Variants in FAM234A observed in about 807,000 individuals in gnomAD.
FAM234A encodes the protein protein FAM234A.
A neutral mutation model predicts 49.1 loss-of-function variants in FAM234A; 42 were observed. That is an observed-to-expected ratio of 0.86 (90% CI 0.67 to 1.11). FAM234A has a LOEUF of 1.11. FAM234A is among the 50% of genes least tolerant of loss of function. FAM234A has a pLI of 0.00. For synonymous variants in FAM234A, 369 were observed against 316.2 expected (o/e 1.17, Z -1.77); for missense variants, 815 against 745.2 (o/e 1.09, Z -1.09).
Position 259,526 on chromosome 16 carries a change from G to C in FAM234A, c.312G>C (p.Arg104Ser). 2.5e-6 allele frequency: 4 copies of C among 1,612,816 alleles called. No homozygotes were observed. The highest frequency in any genetic ancestry group is 3.4e-6 in the Non-Finnish European group (4 of 1,178,794). ...FLAVDDINGDRIQDVLFLYKN... is the reference protein window; with the variant it reads ...FLAVDDINGDSIQDVLFLYKN... ...CTGTGGATGATATAAACGGGGACAG[G>C]ATCCAAGATGTTCTTTTTCTTTATA... Residue 104 changes from arginine (R) to serine (S), a missense_variant, in exon 4 of 13, where the codon AGG (arginine) becomes AGC (serine). Transcript: ENST00000399932.
intron 5 of FAM234A, 190 bp downstream of exon 5, chr16:260,350 G>T: frequency 1.6e-6 from 1 of 619,054 alleles, no homozygotes; most frequent in South Asian, 1.9e-5. Context: ...CGCCTCGGCT[G>T]CCTTCAGCTG....
intron 3 of FAM234A, among the ~76,000 whole-genome samples, chr16:255,322 T>C (rs1188642151): frequency 6.6e-6 from 1 of 152,190 alleles, no homozygotes; most frequent in African/African-American, 2.4e-5. Flanking sequence ...TTTGTAGAGT[T>C]ATGTAGCTGT....
At chr16:257,789 C>T (rs935900571) in intron 3 of FAM234A, among the ~76,000 whole-genome samples, 3 of 152,094 alleles carry the variant, frequency 2.0e-5, no homozygotes, top group Non-Finnish European at 2.9e-5. Context: ...AGTTCAAGGC[C>T]AGCCTGGGCA....
intron 10 of FAM234A, 55 bp downstream of exon 10, chr16:263,830 G>A: frequency 6.0e-6 from 9 of 1,499,576 alleles, no homozygotes; most frequent in East Asian, 2.3e-5. Flanking sequence ...AGGATAGACT[G>A]GTCTGAAAGC....
chr16:241,665 C>A (rs2050618132), intron 1 of FAM234A, among the ~76,000 whole-genome samples: 1 of 151,956 alleles, frequency 6.6e-6, no homozygotes, highest in South Asian at 2.1e-4. Flanking sequence ...GGCCTGTAAT[C>A]CCAGCACTTT....
chr16:264,509 G>T, intron 11 of FAM234A, 105 bp from the exon 12 acceptor site: 1 of 871,298 alleles, frequency 1.1e-6, no homozygotes, highest in Non-Finnish European at 1.8e-6. Flanking sequence ...GACCCAGATA[G>T]GGCCCCTAGC....
Position 252,624 on chromosome 16 carries a change from G to A in FAM234A, c.-33-1757G>A, listed in dbSNP as rs903016230. ...ATCATTTTACAGTCCCACCAGCAACGTACGATGTTCTGATTTCTCCACATC... is the reference window on the plus strand; with the variant it reads ...ATCATTTTACAGTCCCACCAGCAACATACGATGTTCTGATTTCTCCACATC... On this transcript the variant is annotated intron_variant, in intron 2 of 12. Transcript: ENST00000399932. 2.0e-5 allele frequency among the ~76,000 whole-genome samples: 3 copies of A among 152,260 alleles called. No homozygotes were observed. In the South Asian group the frequency reaches 6.2e-4, roughly 32 times the overall value.
chr16:259,196 G>A (rs1393736130), intron 3 of FAM234A, among the ~76,000 whole-genome samples: 1 of 152,156 alleles, frequency 6.6e-6, no homozygotes, highest in Non-Finnish European at 1.5e-5. Context: ...GATGCCCCCT[G>A]GTCTAGGGAG....
Position 263,693 on chromosome 16 carries a change from G to A in FAM234A, c.1113-7G>A. The A allele has an allele frequency of 6.2e-7, 1 of 1,612,046 alleles. No individual in the cohort carries two copies. Among genetic ancestry groups the A allele is most frequent in the South Asian group, 1.1e-5 (1 of 91,038 alleles). On this transcript the variant is annotated splice_region_variant and splice_polypyrimidine_tract_variant and intron_variant, in intron 9 of 12. Transcript: ENST00000399932. ...CCCTCGTGAGCGCTTCCTCCATATT[G>A]TTCCAGAAAACCCATCTTCGGCCGC...
downstream of FAM234A, chr16:269,789 C>T (rs1448693049): frequency 2.2e-5 from 12 of 542,360 alleles, no homozygotes; most frequent in African/African-American, 1.1e-4. Context: ...TGGGCCATGT[C>T]GCAGCAAAAA....
Position 263,393 on chromosome 16 carries a change from A to G in FAM234A, c.1103A>G (p.His368Arg), listed in dbSNP as rs1369947974. Residue 368 changes from histidine (H) to arginine (R), a missense_variant, in exon 9 of 13, where the codon CAT becomes CGT. Physicochemically the swap from His to Arg is conservative, Grantham distance 29. Coordinates refer to ENST00000399932, the MANE Select transcript of FAM234A (RefSeq NM_032039.4). ...CCTCGCTGGACACCCAAGGCAGCCC[A>G]TGTCCTGAGGTACAGGGTTTCCCCA... is the stretch of plus-strand genomic sequence containing the variant. The part of the protein sequence containing the change: ...LTPRWTPKAA[H>R]VLRKPIFGRY... 10 of 1,610,030 alleles carry G rather than the reference A, an allele frequency of 6.2e-6. No homozygotes were observed. Among genetic ancestry groups the G allele is most frequent in the African/African-American group, 1.3e-5 (1 of 74,938 alleles).
chr16:266,849 G>A (rs2051706505), downstream of FAM234A, among the ~76,000 whole-genome samples: 1 of 152,150 alleles, frequency 6.6e-6, no homozygotes, highest in Non-Finnish European at 1.5e-5. Context: ...GGAGGGAGAA[G>A]GGAAGGTTCA....
At chr16:269,922 A>G (rs933767224), downstream of FAM234A, 2 of 224,204 alleles carry the variant, frequency 8.9e-6, no homozygotes, top group Non-Finnish European at 1.6e-5. Context: ...GGAGTCAAAT[A>G]AAAAAACAAG....
Position 265,477 on chromosome 16 carries a change from C to G in FAM234A, c.*455C>G. The G allele has an allele frequency of 3.0e-6, 3 of 993,760 alleles. No homozygotes were observed. The highest frequency in any genetic ancestry group is 3.6e-6 in the Non-Finnish European group (3 of 835,540). The allele number at this position is 993,760 out of a possible 1,614,324, so 61.6% of individuals were successfully genotyped here. A position where few individuals can be genotyped will look rare whatever the true frequency, so the allele number is the denominator to read the frequency against. On this transcript the variant is annotated 3_prime_UTR_variant, in exon 13 of 13. Transcript: ENST00000399932. ...CCACCCCATCCTGTAGAAGTCCATT[C>G]CCCTTTTCCCTCCTGTGCTCTGTCC...
chr16:266,934 C>T (rs1218971710), downstream of FAM234A, among the ~76,000 whole-genome samples: 3 of 152,056 alleles, frequency 2.0e-5, no homozygotes, highest in African/African-American at 7.2e-5. Context: ...GGTCACCCTG[C>T]AGGTCAGAGG....
At chr16:260,483 G>T (rs1289969546) in intron 5 of FAM234A, 5 of 499,108 alleles carry the variant, frequency 1.0e-5, no homozygotes, top group East Asian at 5.3e-5. Context: ...TGCTCCTGGG[G>T]TGTCAGTGGT....
chr16:268,566 C>T, downstream of FAM234A: 1 of 604,854 alleles, frequency 1.7e-6, no homozygotes, highest in South Asian at 1.9e-5. Flanking sequence ...AGGATCCACC[C>T]TATGGAATCG....
chr16:266,101 G>C (rs539174566), downstream of FAM234A: 2 of 985,528 alleles, frequency 2.0e-6, no homozygotes, highest in Admixed American at 6.1e-5. Flanking sequence ...GAAAAACCCC[G>C]GTGGTCAGGC....
chr16:238,765 CAAAAAAAAAAAA>C (rs34366851), intron 1 of FAM234A, among the ~76,000 whole-genome samples: 17 of 37,900 alleles, frequency 4.5e-4, no homozygotes, highest in African/African-American at 2.2e-3. Flanking sequence ...GACTCCGTCT[CAAAAAAAAAAAA>C]AAAAAAAAAG....
Sources: allele counts gnomAD v4.1 joint callset (sites outside exome capture counted in the v4.1 genomes callset), GRCh38; gene constraint gnomAD v4.1.1; transcripts MANE v1.5; gene names NCBI Gene and HGNC (gene_info 2026-07-23, HGNC 2026-07-21).